Variants in CAMKMT observed in about 807,000 individuals in gnomAD.
The protein encoded by CAMKMT is CaM KMT.
CAMKMT carries 53 observed loss-of-function variants against 48.0 expected under a neutral mutation model. That is an observed-to-expected ratio of 1.10 (90% CI 0.89 to 1.39). The LOEUF is 1.39. Ranked by LOEUF, CAMKMT falls within the 40% of genes most tolerant of loss-of-function variation. CAMKMT has a pLI of 0.00. For missense variants in CAMKMT, 428 were observed against 402.7 expected (o/e 1.06, Z -0.54); for synonymous variants, 165 against 152.3 (o/e 1.08, Z -0.61).
At chr2:44,599,171 C>G (rs1328539360) in intron 3 of CAMKMT, among the ~76,000 whole-genome samples, 1 of 152,062 alleles carries the variant, frequency 6.6e-6, no homozygotes, top group East Asian at 1.9e-4. Flanking sequence ...TGTGAATTGC[C>G]TAGGTATGAG....
At chr2:44,563,614 C>A (rs1668446410) in intron 3 of CAMKMT, among the ~76,000 whole-genome samples, 1 of 152,052 alleles carries the variant, frequency 6.6e-6, no homozygotes, top group East Asian at 1.9e-4. Flanking sequence ...CTAATGCTAT[C>A]CCTCCCCCTT....
At chr2:44,512,852 AAAAT>A (rs71830851) in intron 3 of CAMKMT, among the ~76,000 whole-genome samples, 72,410 of 151,718 alleles carry the variant, frequency 0.48, 17,978 homozygotes, top group Middle Eastern at 0.59. Context: ...CAAAGCAAAT[AAAAT>A]AAATGTCAGT....
intron 3 of CAMKMT, among the ~76,000 whole-genome samples, chr2:44,693,450 AAGACTTTGTTTCATGG>A (rs1178252210): frequency 2.6e-5 from 4 of 152,158 alleles, no homozygotes; most frequent in African/African-American, 9.7e-5. Context: ...CCCTCTTGTT[AAGACTTTGTTTCATGG>A]AGCTCCCCTT....
chr2:44,545,677 C>T (rs1015172963), intron 3 of CAMKMT, among the ~76,000 whole-genome samples: 4 of 119,912 alleles, frequency 3.3e-5, no homozygotes, highest in East Asian at 2.2e-4. Flanking sequence ...CTTCTAGACT[C>T]GGTCTTTTTT....
At chr2:44,735,519 T>G (rs1679307222) in intron 7 of CAMKMT, among the ~76,000 whole-genome samples, 1 of 152,172 alleles carries the variant, frequency 6.6e-6, no homozygotes, top group Non-Finnish European at 1.5e-5. Flanking sequence ...CTCTTTGTTT[T>G]TTATTTTAGT....
At chr2:44,547,741 G>T (rs1262292691) in intron 3 of CAMKMT, among the ~76,000 whole-genome samples, 1 of 152,142 alleles carries the variant, frequency 6.6e-6, no homozygotes, top group African/African-American at 2.4e-5. Flanking sequence ...GTTACTATGA[G>T]AATTAAATAC....
intron 7 of CAMKMT, among the ~76,000 whole-genome samples, chr2:44,741,870 C>T (rs1679694882): frequency 6.6e-6 from 1 of 152,142 alleles, no homozygotes; most frequent in African/African-American, 2.4e-5. Flanking sequence ...CACAGGATTT[C>T]CTGCAGTCTG....
chr2:44,567,190 T>G (rs1304419176), intron 3 of CAMKMT, among the ~76,000 whole-genome samples: 1 of 152,192 alleles, frequency 6.6e-6, no homozygotes, highest in African/African-American at 2.4e-5. Context: ...TCTGCAGCTC[T>G]TTCAGTAGTA....
intron 3 of CAMKMT, among the ~76,000 whole-genome samples, chr2:44,689,558 A>G (rs1422861607): frequency 6.6e-6 from 1 of 152,088 alleles, no homozygotes; most frequent in Non-Finnish European, 1.5e-5. Flanking sequence ...AAGGAATAAA[A>G]CTGACAATGA....
In CAMKMT at chr2:44,372,699, T is replaced by G; in HGVS notation, c.139-17T>G. On this transcript the variant is annotated splice_polypyrimidine_tract_variant and intron_variant, in intron 1 of 10. Coordinates refer to ENST00000378494, the MANE Select transcript of CAMKMT (RefSeq NM_024766.5). ...TGTTTAGATAACATGACTGCAATATTTGGCTTTATTTCAAAGGTTCTGAAG... is the reference window on the plus strand; with the variant it reads ...TGTTTAGATAACATGACTGCAATATGTGGCTTTATTTCAAAGGTTCTGAAG... The G allele has an allele frequency of 6.2e-7, 1 of 1,604,662 alleles. No homozygotes were observed. The highest frequency in any genetic ancestry group is 2.2e-5 in the East Asian group (1 of 44,742).
chr2:44,427,534 C>A lies in CAMKMT; in HGVS notation c.376+37229C>A, dbSNP rs567957766. On this transcript the variant is annotated intron_variant, in intron 3 of 10. Transcript: ENST00000378494. ...CAAAAGAAGACATCCAAGTGGCCAA[C>A]AAACATGAAAAAATTCTCAACTTCG... Among the ~76,000 whole-genome samples the A allele has an allele frequency of 7.9e-5, 12 of 152,254 alleles. No homozygotes were observed. The South Asian group carries it at 1.7e-3, about 21-fold the overall frequency.
chr2:44,592,918 G>A (rs1670394038), intron 3 of CAMKMT, among the ~76,000 whole-genome samples: 9 of 152,170 alleles, frequency 5.9e-5, no homozygotes, highest in Admixed American at 5.9e-4. Flanking sequence ...TTCTATAAAT[G>A]TCAATTAAGT....
chr2:44,675,919 A>G (rs1675661042), intron 3 of CAMKMT, among the ~76,000 whole-genome samples: 1 of 152,172 alleles, frequency 6.6e-6, no homozygotes, highest in Non-Finnish European at 1.5e-5. Flanking sequence ...GTAAAATTGT[A>G]CAGTATTTTT....
Position 44,772,122 on chromosome 2 carries a change from G to T in CAMKMT, c.*9G>T, listed in dbSNP as rs771031821. The T allele has an allele frequency of 6.2e-7, 1 of 1,606,922 alleles. No individual in the cohort carries two copies. Among genetic ancestry groups the T allele is most frequent in the South Asian group, 1.1e-5 (1 of 90,262 alleles). On this transcript the variant is annotated 3_prime_UTR_variant, in exon 11 of 11. Transcript: ENST00000378494. ...TGACCAAACATGGATAGAAGATTAA[G>T]CTTCTCAAAGACGAAGAAACGTATC...
intron 3 of CAMKMT, among the ~76,000 whole-genome samples, chr2:44,617,211 C>T (rs1194444659): frequency 1.3e-5 from 2 of 152,182 alleles, no homozygotes; most frequent in African/African-American, 4.8e-5. Context: ...AGCTGATAAT[C>T]AGGAAACTCA....
intron 3 of CAMKMT, among the ~76,000 whole-genome samples, chr2:44,563,119 G>A (rs1265210027): frequency 1.4e-5 from 2 of 146,034 alleles, no homozygotes; most frequent in Non-Finnish European, 3.1e-5. Context: ...AACTTACAAG[G>A]TTTACTTTTA....
chr2:44,512,475 T>G (rs1450002376), intron 3 of CAMKMT, among the ~76,000 whole-genome samples: 2 of 152,232 alleles, frequency 1.3e-5, no homozygotes, highest in Non-Finnish European at 2.9e-5. Flanking sequence ...GTACTTTCAT[T>G]TATCTCATTT....
chr2:44,524,369 G>A (rs551732450), intron 3 of CAMKMT, among the ~76,000 whole-genome samples: 1 of 152,084 alleles, frequency 6.6e-6, no homozygotes, highest in East Asian at 1.9e-4. Flanking sequence ...CAGGACTAAC[G>A]TTGGATGCTT....
At chr2:44,635,001 A>G (rs1158318010) in intron 3 of CAMKMT, among the ~76,000 whole-genome samples, 1 of 152,138 alleles carries the variant, frequency 6.6e-6, no homozygotes, top group Non-Finnish European at 1.5e-5. Context: ...TGAGCCTGGG[A>G]GTTTGAGGTT....
Sources: gnomAD v4.1 joint callset for allele counts (sites outside exome capture counted in the v4.1 genomes callset) on GRCh38, gnomAD v4.1.1 for gene constraint, MANE v1.5 for transcripts, NCBI Gene and HGNC (gene_info 2026-07-23, HGNC 2026-07-21) for gene names.